Variants in PRSS23 observed in about 807,000 individuals in gnomAD.
PRSS23 encodes the protein protease, serine 23.
A neutral mutation model predicts 34.7 loss-of-function variants in PRSS23; 25 were observed. The ratio of observed to expected loss-of-function variants is 0.72; its 90% CI spans 0.53 to 1.01. PRSS23 has a LOEUF of 1.01. PRSS23 is among the 50% of genes least tolerant of loss of function. The pLI, the probability that PRSS23 is intolerant of heterozygous loss-of-function variation, is 0.00. For missense variants in PRSS23, 445 were observed against 475.6 expected, an observed-to-expected ratio of 0.94 and a Z score of 0.60; for synonymous variants, 176 against 186.6, an observed-to-expected ratio of 0.94 and a Z score of 0.46.
chr11:86,824,350 TAAAA>T (rs1284612594), intron 2 of PRSS23, among the ~76,000 whole-genome samples: 2 of 145,094 alleles, frequency 1.4e-5, no homozygotes, highest in Admixed American at 1.4e-4. Context: ...TAAAATAAAA[TAAAA>T]TAAAATAAAA....
At chr11:86,868,062 A>G (rs991939409) in intron 2 of PRSS23, among the ~76,000 whole-genome samples, 8 of 146,476 alleles carry the variant, frequency 5.5e-5, no homozygotes, top group African/African-American at 2.0e-4. Flanking sequence ...GCCAAAGGCC[A>G]AGGAGGAAAA....
At chr11:86,873,199 C>G (rs4943963) in intron 2 of PRSS23, among the ~76,000 whole-genome samples, 1 of 132,182 alleles carries the variant, frequency 7.6e-6, no homozygotes, top group Non-Finnish European at 1.7e-5. Context: ...CATATATATA[C>G]ACACACACAC....
intron 2 of PRSS23, among the ~76,000 whole-genome samples, chr11:86,827,981 G>A (rs988092692): frequency 2.3e-4 from 35 of 152,318 alleles, no homozygotes; most frequent in Middle Eastern, 3.4e-3. Context: ...TTGATTTGGG[G>A]TGGAGAGTTC....
intron 2 of PRSS23, among the ~76,000 whole-genome samples, chr11:86,855,680 G>C (rs905057676): frequency 6.6e-5 from 10 of 152,202 alleles, no homozygotes; most frequent in African/African-American, 2.2e-4. Context: ...ATTTTTAGTA[G>C]AGATGGAGTT....
At chr11:86,830,666 C>T (rs1948347311) in intron 2 of PRSS23, among the ~76,000 whole-genome samples, 1 of 152,156 alleles carries the variant, frequency 6.6e-6, no homozygotes, top group Admixed American at 6.5e-5. Context: ...AGAAGTGTTG[C>T]TCCTCATATC....
chr11:86,890,876 G>A (rs1948836875), intron 2 of PRSS23, among the ~76,000 whole-genome samples: 1 of 152,132 alleles, frequency 6.6e-6, no homozygotes, highest in African/African-American at 2.4e-5. Flanking sequence ...CTTCTTTGCT[G>A]ACTCTTGGTC....
At chr11:86,828,347 G>A (rs1299921489) in intron 2 of PRSS23, among the ~76,000 whole-genome samples, 5 of 151,932 alleles carry the variant, frequency 3.3e-5, no homozygotes, top group Admixed American at 6.6e-5. Flanking sequence ...CATTTGCTTG[G>A]TAGATCTTCC....
At chr11:86,939,865 T>C (rs1949195938) in intron 2 of PRSS23, among the ~76,000 whole-genome samples, 1 of 152,008 alleles carries the variant, frequency 6.6e-6, no homozygotes, top group Non-Finnish European at 1.5e-5. Flanking sequence ...ATTTCTGATT[T>C]AAAAGGAAGA....
At position 86,792,252 on chromosome 11, in the gene PRSS23, G is replaced by A. The variant is rs374134372; in HGVS notation, c.-14+1057G>A. Among the ~76,000 whole-genome samples, 52 of 152,208 alleles carry A rather than the reference G, an allele frequency of 3.4e-4. 1 individual carries two copies. Among genetic ancestry groups the A allele is most frequent in the African/African-American group, 1.0e-3 (43 of 41,518 alleles). On this transcript the variant is annotated intron_variant, in intron 1 of 1. Transcript: ENST00000527521. Reference sequence around the variant, plus strand: ...AGGGTGCTTCTTTCCAACTTCCTCCGTCCTTGGGGAGCCATTTCTTGCAGC... The same window carrying A: ...AGGGTGCTTCTTTCCAACTTCCTCCATCCTTGGGGAGCCATTTCTTGCAGC...
intron 2 of PRSS23, chr11:86,921,351 T>G (rs1949046229): frequency 6.6e-6 from 1 of 152,236 alleles, no homozygotes; most frequent in Admixed American, 6.5e-5. Context: ...GTTTAATGAT[T>G]AGAACAGTTC....
At chr11:86,931,866 TAGG>T (rs1252230074) in intron 2 of PRSS23, among the ~76,000 whole-genome samples, 1 of 152,080 alleles carries the variant, frequency 6.6e-6, no homozygotes, top group East Asian at 1.9e-4. Context: ...TTGAGGAAGA[TAGG>T]AGGCAACTGT....
intron 2 of PRSS23, among the ~76,000 whole-genome samples, chr11:86,885,697 C>T (rs1948798150): frequency 6.6e-6 from 1 of 152,194 alleles, no homozygotes; most frequent in African/African-American, 2.4e-5. Flanking sequence ...TTTGACTTGC[C>T]AGGCTTCATA....
intron 2 of PRSS23, among the ~76,000 whole-genome samples, chr11:86,850,615 T>G (rs1948521870): frequency 6.6e-6 from 1 of 152,038 alleles, no homozygotes; most frequent in Non-Finnish European, 1.5e-5. Context: ...CAGCAAAAAT[T>G]TTGCTGTAAG....
intron 2 of PRSS23, among the ~76,000 whole-genome samples, chr11:86,938,286 G>T (rs895310009): frequency 1.1e-4 from 17 of 152,214 alleles, no homozygotes; most frequent in Non-Finnish European, 1.6e-4. Context: ...TTTGAACTAG[G>T]TTCAGAGGTG....
intron 2 of PRSS23, among the ~76,000 whole-genome samples, chr11:86,881,651 A>G (rs1398557339): frequency 6.6e-6 from 1 of 152,134 alleles, no homozygotes; most frequent in East Asian, 1.9e-4. Context: ...ATTTTTTTGA[A>G]TAATGTGTGA....
intron 2 of PRSS23, among the ~76,000 whole-genome samples, chr11:86,853,019 A>C (rs200122300): frequency 6.7e-4 from 99 of 146,938 alleles, no homozygotes; most frequent in African/African-American, 1.8e-3. Context: ...ACGCCCAGCT[A>C]ATTTTTGTAT....
intron 2 of PRSS23, chr11:86,945,876 CT>C (rs781001099): frequency 6.6e-6 from 1 of 152,568 alleles, no homozygotes; most frequent in Non-Finnish European, 1.5e-5. Flanking sequence ...CCTGGTACCT[CT>C]TTGTCAAACA....
At chr11:86,797,035 G>A (rs1426734932), upstream of PRSS23, among the ~76,000 whole-genome samples, 1 of 152,226 alleles carries the variant, frequency 6.6e-6, no homozygotes, top group African/African-American at 2.4e-5. Context: ...TCGAGCTGAG[G>A]GGTATTTGCT....
At chr11:86,837,248 C>T (rs978143976) in intron 2 of PRSS23, 1 of 152,158 alleles carries the variant, frequency 6.6e-6, no homozygotes, top group African/African-American at 2.4e-5. Context: ...CCACAAGTTC[C>T]CTTGATTTAG....
Sources: gnomAD v4.1 joint callset for allele counts (sites outside exome capture counted in the v4.1 genomes callset) on GRCh38, gnomAD v4.1.1 for gene constraint, MANE v1.5 for transcripts, NCBI Gene and HGNC (gene_info 2026-07-23, HGNC 2026-07-21) for gene names.